Variants in ELL2 observed in about 807,000 individuals in gnomAD.
ELL2 encodes elongation factor for RNA polymerase II 2.
A neutral mutation model predicts 72.8 loss-of-function variants in ELL2; 21 were observed. The ratio of observed to expected loss-of-function variants is 0.29; its 90% CI spans 0.20 to 0.42. The LOEUF is 0.42. Among genes scored for constraint, ELL2 ranks in the 10% least tolerant of loss-of-function variants. The probability of loss-of-function intolerance (pLI) is 1.00; values close to 1 mark genes in which losing one functional copy is unlikely to be tolerated. For synonymous variants in ELL2, 266 were observed against 283.2 expected (o/e 0.94, Z 0.61); for missense variants, 568 against 772.8 (o/e 0.73, Z 3.14).
intron 1 of ELL2, 151 bp downstream of exon 1, chr5:95,961,424 A>ACCCTGCCCGGCCCTG: frequency 4.1e-6 from 4 of 982,692 alleles, no homozygotes; most frequent in Non-Finnish European, 5.3e-6. Flanking sequence ...GGCGTCAGCC[A>ACCCTGCCCGGCCCTG]CCCTGCCCGG....
chr5:95,947,067 C>T (rs1184523442), intron 1 of ELL2, among the ~76,000 whole-genome samples: 1 of 152,142 alleles, frequency 6.6e-6, no homozygotes, highest in Admixed American at 6.5e-5. Flanking sequence ...ATCTCATTAG[C>T]TGTTTGTTCA....
At chr5:95,890,979 C>T in intron 10 of ELL2, 124 bp downstream of exon 10, 1 of 1,048,994 alleles carries the variant, frequency 9.5e-7, no homozygotes, top group Non-Finnish European at 1.5e-6. Context: ...CCTAAAGCAG[C>T]AGCGAGGCTG....
chr5:95,902,460 CACAA>C (rs1235326747), intron 5 of ELL2, among the ~76,000 whole-genome samples: 2 of 152,206 alleles, frequency 1.3e-5, no homozygotes, highest in Non-Finnish European at 2.9e-5. Flanking sequence ...TAACTAACTA[CACAA>C]ACATACAGGT....
intron 1 of ELL2, among the ~76,000 whole-genome samples, chr5:95,957,087 TG>T (rs1446893322): frequency 1.3e-5 from 2 of 152,142 alleles, no homozygotes; most frequent in Admixed American, 1.3e-4. Context: ...TCAGCAAACA[TG>T]GTAGTATTAT....
rs931049590 is a variant in ELL2 at position 95,928,266 on chromosome 5, G to C, written c.196-8721C>G. 2.0e-5 allele frequency among the ~76,000 whole-genome samples: 3 copies of C among 152,166 alleles called. No individual in the cohort carries two copies. The East Asian group carries it at 5.8e-4, about 29-fold the overall frequency. ...TTGGAAGAGAAGTGAGACAGCCATC[G>C]AGAAAATCTAAATAGTTTCTTCAAA... is the stretch of plus-strand genomic sequence containing the variant. On this transcript the variant is annotated intron_variant, in intron 2 of 11. Coordinates refer to ENST00000237853, the MANE Select transcript of ELL2 (RefSeq NM_012081.6).
chr5:95,895,022 G>T (rs1045690281), intron 9 of ELL2, among the ~76,000 whole-genome samples: 1 of 152,090 alleles, frequency 6.6e-6, no homozygotes, highest in Admixed American at 6.5e-5. Flanking sequence ...CTGCAAAAAA[G>T]CTAGAATTAT....
chr5:95,905,076 G>A (rs1351933014), intron 5 of ELL2, among the ~76,000 whole-genome samples: 1 of 152,028 alleles, frequency 6.6e-6, no homozygotes, highest in African/African-American at 2.4e-5. Context: ...GCTTTTGTTG[G>A]TCTCAGGTGG....
intron 6 of ELL2, 35 bp from the exon 7 acceptor site, chr5:95,900,815 T>C: frequency 1.3e-6 from 2 of 1,577,456 alleles, no homozygotes; most frequent in Non-Finnish European, 1.7e-6. Flanking sequence ...GTTAAGGAGA[T>C]GATTTAAAAA....
At chr5:95,918,683 TGA>T (rs1039028986) in intron 3 of ELL2, among the ~76,000 whole-genome samples, 2 of 152,034 alleles carry the variant, frequency 1.3e-5, no homozygotes, top group African/African-American at 4.8e-5. Flanking sequence ...GAGGAGGAAA[TGA>T]GAGAGACCCT....
At chr5:95,913,973 C>T in intron 3 of ELL2, 39 bp from the exon 4 acceptor site, 1 of 1,518,508 alleles carries the variant, frequency 6.6e-7, no homozygotes, top group Non-Finnish European at 8.8e-7. Context: ...ACATGACCTT[C>T]ATTTTGTACA....
intron 3 of ELL2, among the ~76,000 whole-genome samples, chr5:95,916,706 C>CT (rs1475624239): frequency 1.3e-5 from 2 of 149,108 alleles, no homozygotes; most frequent in Admixed American, 6.7e-5. Context: ...TTTTTATTTT[C>CT]TTTTTTAATA....
rs757795623 is a variant in ELL2, at chr5:95,961,704, T to G, written c.18A>C (p.Thr6=). Residue 6 remains threonine, a synonymous_variant, in exon 1 of 12, where the codon ACA becomes ACC. Coordinates refer to ENST00000237853, the MANE Select transcript of ELL2 (RefSeq NM_012081.6). MAAGG[T]GGLREEQRYG... ...AGCGCTGCTCCTCCCGCAGGCCCCC[T>G]GTCCCCCCCGCCGCCATCTTAAACT... The G allele has an allele frequency of 6.2e-7, 1 of 1,605,254 alleles. No individual in the cohort carries two copies.
At chr5:95,944,776 ACCTCATTACACTTC>A (rs917845372) in intron 1 of ELL2, among the ~76,000 whole-genome samples, 11 of 151,954 alleles carry the variant, frequency 7.2e-5, no homozygotes, top group Admixed American at 1.3e-4. Context: ...ACTGAACATA[ACCTCATTACACTTC>A]CCTCATTACA....
intron 9 of ELL2, among the ~76,000 whole-genome samples, chr5:95,893,749 T>C (rs1454325118): frequency 2.0e-5 from 3 of 152,218 alleles, no homozygotes; most frequent in Non-Finnish European, 4.4e-5. Context: ...AGTTCTGTAG[T>C]TTTGGTAATT....
At position 95,909,438 on chromosome 5, in the gene ELL2, C is replaced by T. The variant is rs188257890; in HGVS notation, c.482-2656G>A. Among the ~76,000 whole-genome samples, 14 of 152,062 alleles carry T rather than the reference C, an allele frequency of 9.2e-5. No homozygotes were observed. The East Asian group carries it at 9.6e-4, about 10-fold the overall frequency. Reference sequence around the variant, plus strand: ...CCTCCCCATCCCTTTTGTGCCTATTCGACAAGGAAGGAATCCTCTGGTTTA... The same window carrying T: ...CCTCCCCATCCCTTTTGTGCCTATTTGACAAGGAAGGAATCCTCTGGTTTA... On this transcript the variant is annotated intron_variant, in intron 4 of 11. Coordinates refer to ENST00000237853, the MANE Select transcript of ELL2 (RefSeq NM_012081.6).
chr5:95,915,145 C>T (rs567932397), intron 3 of ELL2, among the ~76,000 whole-genome samples: 1 of 152,272 alleles, frequency 6.6e-6, no homozygotes, highest in East Asian at 1.9e-4. Flanking sequence ...GCTCTGTTGC[C>T]AGGCTGGAGT....
At chr5:95,950,904 G>GTGTATATA (rs1751354870) in intron 1 of ELL2, among the ~76,000 whole-genome samples, 1 of 46,612 alleles carries the variant, frequency 2.1e-5, no homozygotes, top group Non-Finnish European at 4.2e-5. Flanking sequence ...GTATGTATGT[G>GTGTATATA]TATATATATA....
intron 1 of ELL2, among the ~76,000 whole-genome samples, chr5:95,957,599 A>G (rs949526980): frequency 2.0e-5 from 3 of 152,256 alleles, no homozygotes; most frequent in East Asian, 1.9e-4. Context: ...AGTGAGTAGC[A>G]AAACAACTTT....
In ELL2 at chr5:95,913,818, G is replaced by T; in HGVS notation, c.434C>A (p.Ser145Tyr). The T allele has an allele frequency of 6.2e-7, 1 of 1,612,628 alleles. No homozygotes were observed. The highest frequency in any genetic ancestry group is 8.5e-7 in the Non-Finnish European group (1 of 1,179,420). ...GATAACTTTTGTGCTTCGGTTGCGG[G>T]ATTCCTCCTCTGCCTGGGTCATTCT... ...RERMTQAEEE[S>Y]RNRSTKVIKP... The change falls in exon 4 of 12, where the codon TCC becomes TAC. Residue 145 changes from serine to tyrosine, a missense_variant. Physicochemically the swap from Ser to Tyr is moderately radical, Grantham distance 144 (BLOSUM62 -2). This residue lies in a region of ELL2 where 511 missense variants were observed against 728.4 expected (regional missense o/e 0.70). Coordinates refer to ENST00000237853, the MANE Select transcript of ELL2 (RefSeq NM_012081.6).
Sources: allele counts gnomAD v4.1 joint callset (sites outside exome capture counted in the v4.1 genomes callset), GRCh38; gene constraint gnomAD v4.1.1; regional missense constraint gnomAD v4.1.1; transcripts MANE v1.5; gene names NCBI Gene and HGNC (gene_info 2026-07-23, HGNC 2026-07-21).